The following PRKCA variants were observed in gnomAD, a reference collection of about 807,000 sequenced individuals.
PRKCA encodes the protein protein kinase C alpha.
Under a neutral mutation model 87.0 loss-of-function variants are expected in PRKCA, and 27 were observed. The observed-to-expected ratio is 0.31, with a 90% CI of 0.23 to 0.43. The LOEUF is 0.43. Among genes scored for constraint, PRKCA ranks in the 20% least tolerant of loss-of-function variants. The pLI is 1.00. For missense variants in PRKCA, 518 were observed against 852.3 expected, an observed-to-expected ratio of 0.61 and a Z score of 4.88; for synonymous variants, 329 against 311.1, an observed-to-expected ratio of 1.06 and a Z score of -0.61.
chr17:66,704,417 ACT>A (rs759409745), intron 8 of PRKCA, among the ~76,000 whole-genome samples: 1 of 152,168 alleles, frequency 6.6e-6, no homozygotes, highest in Non-Finnish European at 1.5e-5. Context: ...TATTCTACTA[ACT>A]CTATAATAAA....
intron 3 of PRKCA, among the ~76,000 whole-genome samples, chr17:66,585,407 G>T (rs1465618159): frequency 6.6e-6 from 1 of 152,242 alleles, no homozygotes; most frequent in East Asian, 1.9e-4. Context: ...AGGCTGCTCT[G>T]CTAGAAAAGA....
At chr17:66,397,077 T>G (rs1472516101) in intron 2 of PRKCA, among the ~76,000 whole-genome samples, 1 of 143,424 alleles carries the variant, frequency 7.0e-6, no homozygotes, top group African/African-American at 2.5e-5. Context: ...GCGATTCTCC[T>G]GCCTCAGCCT....
At chr17:66,461,095 A>C (rs918328570) in intron 2 of PRKCA, among the ~76,000 whole-genome samples, 2 of 151,468 alleles carry the variant, frequency 1.3e-5, no homozygotes, top group African/African-American at 4.9e-5. Context: ...AGTTCCAGCT[A>C]CTCAGGGGAA....
intron 8 of PRKCA, among the ~76,000 whole-genome samples, chr17:66,727,159 A>G (rs910501182): frequency 6.6e-6 from 1 of 152,120 alleles, no homozygotes; most frequent in South Asian, 2.1e-4. Flanking sequence ...CAGGCTCTTG[A>G]TACTGCCACG....
intron 3 of PRKCA, among the ~76,000 whole-genome samples, chr17:66,632,922 A>G (rs1195439694): frequency 6.6e-6 from 1 of 152,232 alleles, no homozygotes; most frequent in Non-Finnish European, 1.5e-5. Context: ...GAAACCTACT[A>G]GCAAAACCTG....
At chr17:66,382,080 A>G (rs1247555285) in intron 2 of PRKCA, among the ~76,000 whole-genome samples, 1 of 152,118 alleles carries the variant, frequency 6.6e-6, no homozygotes, top group East Asian at 1.9e-4. Flanking sequence ...CTTTGCACAG[A>G]TGGAGCGGTG....
intron 2 of PRKCA, among the ~76,000 whole-genome samples, chr17:66,347,787 C>A (rs1907481024): frequency 6.6e-6 from 1 of 151,908 alleles, no homozygotes; most frequent in South Asian, 2.1e-4. Context: ...AAGTATCTGC[C>A]AAATATCCAA....
At chr17:66,701,584 A>C (rs1430278357) in intron 8 of PRKCA, among the ~76,000 whole-genome samples, 1 of 152,188 alleles carries the variant, frequency 6.6e-6, no homozygotes, top group African/African-American at 2.4e-5. Context: ...AAAATGCATA[A>C]GGAACTCATA....
intron 2 of PRKCA, among the ~76,000 whole-genome samples, chr17:66,445,401 T>C (rs561023141): frequency 6.6e-6 from 1 of 152,184 alleles, no homozygotes; most frequent in Non-Finnish European, 1.5e-5. Flanking sequence ...AGTCCAAGCA[T>C]TGGAGGCCAG....
intron 3 of PRKCA, among the ~76,000 whole-genome samples, chr17:66,562,714 A>G (rs1054800028): frequency 6.6e-6 from 1 of 152,020 alleles, no homozygotes; most frequent in Non-Finnish European, 1.5e-5. Context: ...CTTCTGCCTC[A>G]GCCTTCTGAG....
At chr17:66,797,131 C>T (rs1321063655) in intron 16 of PRKCA, among the ~76,000 whole-genome samples, 2 of 152,160 alleles carry the variant, frequency 1.3e-5, no homozygotes, top group Non-Finnish European at 2.9e-5. Context: ...ATTGCTCATG[C>T]TCAGAGGCCT....
chr17:66,389,126 A>C (rs1267879349), intron 2 of PRKCA, among the ~76,000 whole-genome samples: 1 of 152,228 alleles, frequency 6.6e-6, no homozygotes, highest in Non-Finnish European at 1.5e-5. Context: ...CGCAACTTGC[A>C]GCCACGAGGT....
chr17:66,330,386 C>T (rs1412428153), intron 2 of PRKCA, among the ~76,000 whole-genome samples: 2 of 152,126 alleles, frequency 1.3e-5, no homozygotes, highest in African/African-American at 4.8e-5. Flanking sequence ...GGATTACAGG[C>T]GTGAGCCATC....
chr17:66,798,428 G>GTGA (rs201135316), intron 16 of PRKCA, among the ~76,000 whole-genome samples: 1 of 121,334 alleles, frequency 8.2e-6, no homozygotes, highest in South Asian at 2.5e-4. Context: ...GGTGGTGGTG[G>GTGA]TGGTGACGGT....
intron 4 of PRKCA, 43 bp downstream of exon 4, chr17:66,641,509 C>A: frequency 6.9e-7 from 1 of 1,456,452 alleles, no homozygotes; most frequent in Non-Finnish European, 9.5e-7. Context: ...GGCTCTGTAG[C>A]TCATGCTCAG....
chr17:66,523,575 C>G (rs1291442537), intron 3 of PRKCA, among the ~76,000 whole-genome samples: 3 of 152,166 alleles, frequency 2.0e-5, no homozygotes, highest in African/African-American at 7.2e-5. Context: ...TATGTTTAAC[C>G]AAAATGTGTA....
chr17:66,429,113 G>A (rs953153629), intron 2 of PRKCA, among the ~76,000 whole-genome samples: 8 of 152,108 alleles, frequency 5.3e-5, no homozygotes, highest in Middle Eastern at 3.2e-3. Flanking sequence ...AACTTCTTGA[G>A]AGTGTGGACT....
At chr17:66,345,706 C>T (rs1034421179) in intron 2 of PRKCA, among the ~76,000 whole-genome samples, 7 of 152,014 alleles carry the variant, frequency 4.6e-5, no homozygotes, top group Non-Finnish European at 5.9e-5. Flanking sequence ...GTTATTTCAT[C>T]GTAAAATTGC....
At chr17:66,575,567 C>T (rs1047880244) in intron 3 of PRKCA, among the ~76,000 whole-genome samples, 5 of 152,038 alleles carry the variant, frequency 3.3e-5, no homozygotes, top group East Asian at 1.9e-4. Context: ...GTGACAAGAG[C>T]GAAACTGTCT....
Sources: gnomAD v4.1 joint callset for allele counts (sites outside exome capture counted in the v4.1 genomes callset) on GRCh38, gnomAD v4.1.1 for gene constraint, MANE v1.5 for transcripts, NCBI Gene and HGNC (gene_info 2026-07-23, HGNC 2026-07-21) for gene names.